CACNA2D3: variants seen among roughly 807,000 people sequenced by gnomAD.
The protein encoded by CACNA2D3 is calcium voltage-gated channel auxiliary subunit alpha2delta 3, also known as voltage-dependent calcium channel subunit alpha-2/delta-3.
CACNA2D3 carries 60 observed loss-of-function variants against 160.6 expected under a neutral mutation model. The ratio of observed to expected loss-of-function variants is 0.37; its 90% CI spans 0.30 to 0.46. The LOEUF (loss-of-function observed/expected upper bound fraction) is 0.46, where lower values mean the gene tolerates loss of function less well. Ranked by LOEUF, CACNA2D3 falls within the 20% of genes least tolerant of loss-of-function variation. The probability of loss-of-function intolerance (pLI) is 1.00; values close to 1 mark genes in which losing one functional copy is unlikely to be tolerated. For missense variants in CACNA2D3, 1,205 were observed against 1,365.0 expected, an observed-to-expected ratio of 0.88 and a Z score of 1.85; for synonymous variants, 558 against 492.9, an observed-to-expected ratio of 1.13 and a Z score of -1.75.
chr3:54,446,229 A>T (rs145440233), intron 4 of CACNA2D3, among the ~76,000 whole-genome samples: 9 of 152,288 alleles, frequency 5.9e-5, no homozygotes, highest in Admixed American at 1.3e-4. Flanking sequence ...TTTAACATCC[A>T]TATGTGATAG....
At chr3:54,145,937 C>G (rs1422299769) in intron 2 of CACNA2D3, among the ~76,000 whole-genome samples, 1 of 152,122 alleles carries the variant, frequency 6.6e-6, no homozygotes, top group Non-Finnish European at 1.5e-5. Context: ...GGGGTTTCAT[C>G]AGTTTGTCTT....
At chr3:54,428,997 T>C (rs1244210552) in intron 4 of CACNA2D3, among the ~76,000 whole-genome samples, 4 of 152,224 alleles carry the variant, frequency 2.6e-5, no homozygotes, top group African/African-American at 9.6e-5. Context: ...GGTGAATCTT[T>C]GGTCAGCCCT....
chr3:54,549,571 C>T (rs6445698), intron 5 of CACNA2D3, among the ~76,000 whole-genome samples: 152,173 of 152,336 alleles, frequency 1, 76,005 homozygotes, highest in Middle Eastern at 1. Context: ...CCACGGAAGC[C>T]GTGACTGTGT....
chr3:54,880,840 G>C lies in CACNA2D3; in HGVS notation c.1889G>C (p.Arg630Pro). The C allele has an allele frequency of 6.2e-7, 1 of 1,613,806 alleles. No individual in the cohort carries two copies. The highest frequency in any genetic ancestry group is 1.7e-5 in the Admixed American group (1 of 60,014). Residue 630 changes from arginine to proline, a missense_variant, in exon 21 of 38, where the codon CGA becomes CCA. Coordinates refer to ENST00000474759, the MANE Select transcript of CACNA2D3 (RefSeq NM_018398.3). ...AGAGGTCATGGGAAATATTTCTTCCGAGGGAATGTAACCATCGAAGAAGGT... is the reference window on the plus strand; with the variant it reads ...AGAGGTCATGGGAAATATTTCTTCCCAGGGAATGTAACCATCGAAGAAGGT... ...LSRGHGKYFF[R>P]GNVTIEEGLH...
chr3:54,799,922 C>G (rs762022463), intron 13 of CACNA2D3, among the ~76,000 whole-genome samples: 3 of 152,198 alleles, frequency 2.0e-5, no homozygotes, highest in Non-Finnish European at 4.4e-5. Flanking sequence ...CCCTTTCCTC[C>G]CCTAACTTTC....
chr3:54,953,396 G>A (rs1005233111), intron 27 of CACNA2D3, among the ~76,000 whole-genome samples: 1 of 152,096 alleles, frequency 6.6e-6, no homozygotes, highest in African/African-American at 2.4e-5. Flanking sequence ...TAACACTACG[G>A]CTTCTTACCT....
chr3:54,794,377 T>A (rs1702824479), intron 13 of CACNA2D3, among the ~76,000 whole-genome samples: 1 of 152,120 alleles, frequency 6.6e-6, no homozygotes, highest in South Asian at 2.1e-4. Flanking sequence ...TACTTTTTAC[T>A]TCCACATATG....
chr3:54,969,947 C>A (rs1702233303), intron 29 of CACNA2D3, 103 bp downstream of exon 29: 4 of 944,040 alleles, frequency 4.2e-6, no homozygotes, highest in African/African-American at 3.3e-5. Flanking sequence ...CAGGTTGACG[C>A]ATTGTACTGG....
chr3:54,153,132 T>TA (rs1267107218), intron 2 of CACNA2D3, among the ~76,000 whole-genome samples: 2 of 152,196 alleles, frequency 1.3e-5, no homozygotes, highest in Admixed American at 1.3e-4. Context: ...TATCAGGTCA[T>TA]AGAGAAGTTG....
At chr3:54,535,152 A>G (rs1483466749) in intron 5 of CACNA2D3, among the ~76,000 whole-genome samples, 1 of 152,236 alleles carries the variant, frequency 6.6e-6, no homozygotes, top group African/African-American at 2.4e-5. Flanking sequence ...TCGTGGTCCC[A>G]AAACAACAGC....
chr3:54,899,660 CT>C, intron 26 of CACNA2D3, 127 bp from the exon 27 acceptor site: 1 of 675,724 alleles, frequency 1.5e-6, no homozygotes, highest in Non-Finnish European at 2.6e-6. Context: ...CCTCAGAGGA[CT>C]CTGGGGCCTG....
At chr3:54,365,431 C>A (rs754077500) in intron 3 of CACNA2D3, among the ~76,000 whole-genome samples, 1 of 152,170 alleles carries the variant, frequency 6.6e-6, no homozygotes, top group Non-Finnish European at 1.5e-5. Context: ...GTGTGGAATG[C>A]GTGATGGAGA....
chr3:54,538,657 C>T (rs1021359562), intron 5 of CACNA2D3, among the ~76,000 whole-genome samples: 1 of 152,116 alleles, frequency 6.6e-6, no homozygotes, highest in Non-Finnish European at 1.5e-5. Context: ...AGACTTAGCC[C>T]GTGTTCTGAG....
chr3:54,764,284 T>G lies in CACNA2D3; in HGVS notation c.1313T>G (p.Leu438Arg). ...QENVMEYLHVLSRPKVIDQEH... is the reference protein window; with the variant it reads ...QENVMEYLHVRSRPKVIDQEH... ...AATGTCATGGAATACCTTCACGTGCTTAGCCGGCCCAAAGTCATCGACCAG... is the reference window on the plus strand; with the variant it reads ...AATGTCATGGAATACCTTCACGTGCGTAGCCGGCCCAAAGTCATCGACCAG... The change falls in exon 13 of 38, where the codon CTT becomes CGT. Residue 438 changes from leucine (L) to arginine (R), a missense_variant. Coordinates refer to ENST00000474759, the MANE Select transcript of CACNA2D3 (RefSeq NM_018398.3). The G allele has an allele frequency of 6.2e-7, 1 of 1,613,924 alleles. No individual in the cohort carries two copies. Among genetic ancestry groups the G allele is most frequent in the Non-Finnish European group, 8.5e-7 (1 of 1,179,856 alleles).
chr3:54,811,014 G>T (rs78524752), intron 13 of CACNA2D3, among the ~76,000 whole-genome samples: 1 of 152,088 alleles, frequency 6.6e-6, no homozygotes, highest in Admixed American at 6.5e-5. Context: ...GCTCTCCCTG[G>T]TGGGATGTCC....
intron 35 of CACNA2D3, among the ~76,000 whole-genome samples, chr3:55,035,764 C>A (rs57506349): frequency 2.6e-5 from 4 of 152,222 alleles, no homozygotes; most frequent in African/African-American, 9.6e-5. Context: ...TGTTTGGAAA[C>A]TGAGCAGGGT....
At chr3:54,203,545 C>T (rs891301889) in intron 2 of CACNA2D3, among the ~76,000 whole-genome samples, 1 of 152,212 alleles carries the variant, frequency 6.6e-6, no homozygotes, top group African/African-American at 2.4e-5. Flanking sequence ...AATCTGATCA[C>T]ACATGAGCTT....
chr3:54,820,670 T>C (rs377203312), intron 14 of CACNA2D3, among the ~76,000 whole-genome samples: 17 of 152,262 alleles, frequency 1.1e-4, no homozygotes, highest in African/African-American at 2.9e-4. Flanking sequence ...TGGGTGGAAA[T>C]TGGACCAGTT....
intron 3 of CACNA2D3, among the ~76,000 whole-genome samples, chr3:54,365,318 A>G (rs1326007107): frequency 6.6e-6 from 1 of 152,198 alleles, no homozygotes; most frequent in Non-Finnish European, 1.5e-5. Context: ...ATTCCAGCAG[A>G]TAAGATGTGT....
Sources: gnomAD v4.1 joint callset for allele counts (sites outside exome capture counted in the v4.1 genomes callset) on GRCh38, gnomAD v4.1.1 for gene constraint, MANE v1.5 for transcripts, NCBI Gene and HGNC (gene_info 2026-07-23, HGNC 2026-07-21) for gene names.